CIRSR: variants seen among roughly 807,000 people sequenced by gnomAD.
CIRSR encodes corepressor of RBPJ and splicing regulator.
the CIRSR span, chr2:174,348,305 T>A: frequency 2.5e-6 from 2 of 815,020 alleles, no homozygotes; most frequent in Non-Finnish European, 3.4e-6. Flanking sequence ...ATTTGCAAAA[T>A]TCATTCTTAT....
chr2:174,355,853 T>C, the CIRSR span, among the ~76,000 whole-genome samples: 244 of 152,314 alleles, frequency 1.6e-3, no homozygotes, highest in African/African-American at 5.5e-3. Flanking sequence ...AATTATAGTA[T>C]GGCAGTCCCA....
chr2:174,380,397 A>C, the CIRSR span: 1 of 658,742 alleles, frequency 1.5e-6, no homozygotes, highest in South Asian at 2.4e-5. Flanking sequence ...AAATCTATCT[A>C]GTATTTCCAA....
At chr2:174,391,850 T>C in the CIRSR span, among the ~76,000 whole-genome samples, 3 of 151,944 alleles carry the variant, frequency 2.0e-5, no homozygotes, top group African/African-American at 7.3e-5. Flanking sequence ...ATGGTGAGAG[T>C]AGCCAGTCAA....
At chr2:174,377,623 G>A in the CIRSR span, among the ~76,000 whole-genome samples, 1 of 151,824 alleles carries the variant, frequency 6.6e-6, no homozygotes, top group Non-Finnish European at 1.5e-5. Flanking sequence ...TTCAAGACCA[G>A]CCTAGGCAAC....
the CIRSR span, among the ~76,000 whole-genome samples, chr2:174,350,266 C>G: frequency 6.6e-6 from 1 of 152,116 alleles, no homozygotes; most frequent in African/African-American, 2.4e-5. Context: ...ACAAAATTCA[C>G]GTTTACCTTA....
chr2:174,367,782 A>T, the CIRSR span, among the ~76,000 whole-genome samples: 6 of 128,106 alleles, frequency 4.7e-5, no homozygotes, highest in Admixed American at 7.9e-5. Context: ...TTGAGTAGAT[A>T]AAAAAAAAAA....
At chr2:174,362,745 A>T in the CIRSR span, among the ~76,000 whole-genome samples, 2 of 149,186 alleles carry the variant, frequency 1.3e-5, no homozygotes, top group Non-Finnish European at 3.0e-5. Flanking sequence ...TTGAGGTCGC[A>T]GGGCAAACCG....
At chr2:174,392,059 G>A in the CIRSR span, among the ~76,000 whole-genome samples, 472 of 152,158 alleles carry the variant, frequency 3.1e-3, 5 homozygotes, top group East Asian at 0.015. Flanking sequence ...GTGCAGTGGC[G>A]CAATCTTGGC....
chr2:174,375,293 A>G, the CIRSR span, among the ~76,000 whole-genome samples: 2 of 152,184 alleles, frequency 1.3e-5, no homozygotes, highest in Non-Finnish European at 2.9e-5. Context: ...AGGTTGCTCT[A>G]ATTTATCAAG....
chr2:174,348,048 C>T, the CIRSR span: 324 of 156,286 alleles, frequency 2.1e-3, no homozygotes, highest in Middle Eastern at 0.013. Flanking sequence ...TTTATTAATC[C>T]TTAATTTATA....
chr2:174,393,770 C>T, the CIRSR span, among the ~76,000 whole-genome samples: 3 of 151,796 alleles, frequency 2.0e-5, no homozygotes, highest in Non-Finnish European at 4.4e-5. Flanking sequence ...AGTTTGGTGA[C>T]AAGTATATCC....
the CIRSR span, among the ~76,000 whole-genome samples, chr2:174,360,231 T>C: frequency 6.6e-6 from 1 of 151,514 alleles, no homozygotes; most frequent in African/African-American, 2.5e-5. Context: ...AAAACTGGTG[T>C]GTAATATTGA....
At chr2:174,360,672 G>T in the CIRSR span, among the ~76,000 whole-genome samples, 1 of 152,250 alleles carries the variant, frequency 6.6e-6, no homozygotes, top group South Asian at 2.1e-4. Context: ...GATTATGGGA[G>T]GTGTAGCTTC....
the CIRSR span, chr2:174,370,145 G>A: frequency 6.9e-6 from 8 of 1,163,892 alleles, no homozygotes; most frequent in Admixed American, 1.9e-4. Context: ...TGGTTGAGAA[G>A]CAGGCTGAAG....
At chr2:174,365,140 A>T in the CIRSR span, among the ~76,000 whole-genome samples, 1 of 152,270 alleles carries the variant, frequency 6.6e-6, no homozygotes, top group East Asian at 1.9e-4. Flanking sequence ...GATATCCTAA[A>T]TCATCTCTCT....
chr2:174,365,125 C>T, the CIRSR span, among the ~76,000 whole-genome samples: 10 of 152,094 alleles, frequency 6.6e-5, no homozygotes, highest in Admixed American at 1.3e-4. Context: ...AAATTTCTTC[C>T]GCCAGATATC....
the CIRSR span, among the ~76,000 whole-genome samples, chr2:174,375,001 T>C: frequency 1.2e-4 from 18 of 152,202 alleles, no homozygotes; most frequent in Non-Finnish European, 2.1e-4. Context: ...CTGTGTGTCA[T>C]TCCCAATATA....
the CIRSR span, chr2:174,387,764 G>A: frequency 6.3e-7 from 1 of 1,592,694 alleles, no homozygotes; most frequent in East Asian, 2.3e-5. Context: ...GATATTTTCT[G>A]TTCTGCCATC....
the CIRSR span, among the ~76,000 whole-genome samples, chr2:174,370,764 A>G: frequency 6.6e-6 from 1 of 152,122 alleles, no homozygotes; most frequent in African/African-American, 2.4e-5. Flanking sequence ...AAAAAATATT[A>G]GCCAGGTGTG....
Sources: gnomAD v4.1 joint callset for allele counts (sites outside exome capture counted in the v4.1 genomes callset) on GRCh38, gnomAD v4.1.1 for gene constraint, MANE v1.5 for transcripts, NCBI Gene and HGNC (gene_info 2026-07-23, HGNC 2026-07-21) for gene names.